Variants in HDDC2 observed in about 807,000 individuals in gnomAD.
The protein encoded by HDDC2 is 5'-deoxynucleotidase HDDC2.
HDDC2 carries 25 observed loss-of-function variants against 25.5 expected under a neutral mutation model. The ratio of observed to expected loss-of-function variants is 0.98; its 90% confidence interval spans 0.72 to 1.37. The LOEUF (loss-of-function observed/expected upper bound fraction) is 1.37. Ranked by LOEUF, HDDC2 falls within the 40% of genes most tolerant of loss-of-function variation. HDDC2 has a pLI of 0.00. For synonymous variants in HDDC2, 106 were observed against 89.7 expected (o/e 1.18, Z -1.03); for missense variants, 264 against 253.1 (o/e 1.04, Z -0.29).
chr6:125,300,380 A>T, intron 2 of HDDC2, 158 bp downstream of exon 2: 1 of 847,418 alleles, frequency 1.2e-6, no homozygotes, highest in Non-Finnish European at 1.7e-6. Context: ...AACTGAGGCA[A>T]CATAACCCAC....
intron 1 of HDDC2, among the ~76,000 whole-genome samples, chr6:125,301,058 T>C (rs1279102701): frequency 6.6e-6 from 1 of 152,162 alleles, no homozygotes; most frequent in Non-Finnish European, 1.5e-5. Flanking sequence ...GAACGAGTGA[T>C]AGGCTTCCAA....
intron 4 of HDDC2, among the ~76,000 whole-genome samples, chr6:125,288,244 G>A (rs1798572796): frequency 6.6e-6 from 1 of 152,118 alleles, no homozygotes; most frequent in African/African-American, 2.4e-5. Context: ...TTGAAGAGAG[G>A]GCTGAACAGC....
At chr6:125,300,869 A>T (rs1798789407) in intron 1 of HDDC2, among the ~76,000 whole-genome samples, 1 of 150,804 alleles carries the variant, frequency 6.6e-6, no homozygotes, top group East Asian at 1.9e-4. Flanking sequence ...TAGAAGACAG[A>T]GAGAGATAAG....
intron 4 of HDDC2, among the ~76,000 whole-genome samples, chr6:125,285,377 A>G (rs1327106727): frequency 6.6e-6 from 1 of 152,212 alleles, no homozygotes; most frequent in Non-Finnish European, 1.5e-5. Context: ...AATGTAAGAT[A>G]AAAGGTTGTT....
Position 125,298,726 on chromosome 6 carries a change from A to G in HDDC2, c.297T>C (p.His99=). Residue 99 remains histidine (H), a synonymous_variant, in exon 3 of 6, where the codon CAT becomes CAC. Coordinates refer to ENST00000398153, the MANE Select transcript of HDDC2 (RefSeq NM_016063.3). The part of the protein sequence containing the change: ...PADNIPKEEK[H]RREEEAMKQI... Reference sequence around the variant, plus strand: ...AGTCAACACTGACCTCTTCTCGCCTATGTTTTTCTTCTTTGGGGATGTTAT... The same window carrying G: ...AGTCAACACTGACCTCTTCTCGCCTGTGTTTTTCTTCTTTGGGGATGTTAT... 3.1e-6 allele frequency: 5 copies of G among 1,613,730 alleles called. No homozygotes were observed. Among genetic ancestry groups the G allele is most frequent in the Admixed American group, 1.7e-5 (1 of 60,028 alleles).
intron 3 of HDDC2, chr6:125,297,537 A>G (rs1798723113): frequency 2.5e-6 from 1 of 403,154 alleles, no homozygotes; most frequent in East Asian, 3.5e-5. Context: ...ACAGGTGTAC[A>G]GATCAAAATG....
chr6:125,301,736 C>G (rs1798811208), intron 1 of HDDC2, 113 bp downstream of exon 1: 1 of 716,976 alleles, frequency 1.4e-6, no homozygotes, highest in Non-Finnish European at 2.2e-6. Context: ...TTCGGCGTGG[C>G]GGACGCGGCG....
Position 125,301,859 on chromosome 6 carries a change from C to T in HDDC2, c.74G>A (p.Gly25Glu). Residue 25 changes from glycine to glutamate, a missense_variant, in exon 1 of 6, where the codon GGG becomes GAG. By Grantham distance (98) the Gly-to-Glu change is moderately conservative (BLOSUM62 -2). Transcript: ENST00000398153. ...RSLLQFLRLV[G>E]QLKRVPRTGW... Reference sequence around the variant, plus strand: ...CTGGTGCCCGCTCACCTTGAGCTGCCCTACCAGCCGCAGGAACTGCAGTAG... The same window carrying T: ...CTGGTGCCCGCTCACCTTGAGCTGCTCTACCAGCCGCAGGAACTGCAGTAG... The T allele has an allele frequency of 1.9e-6, 3 of 1,545,660 alleles. No homozygotes were observed. The highest frequency in any genetic ancestry group is 2.6e-6 in the Non-Finnish European group (3 of 1,147,242).
At chr6:125,289,861 T>C (rs929926136) in intron 4 of HDDC2, among the ~76,000 whole-genome samples, 2 of 152,242 alleles carry the variant, frequency 1.3e-5, no homozygotes, top group Non-Finnish European at 2.9e-5. Flanking sequence ...CCCTCACGCC[T>C]TGGGGCTCAA....
chr6:125,299,787 T>G (rs987001582), intron 2 of HDDC2, among the ~76,000 whole-genome samples: 1 of 152,212 alleles, frequency 6.6e-6, no homozygotes, highest in African/African-American at 2.4e-5. Context: ...TCAAGTTGAT[T>G]AATTTCTCAT....
chr6:125,283,583 A>C (rs1455416956), intron 4 of HDDC2, among the ~76,000 whole-genome samples: 1 of 152,216 alleles, frequency 6.6e-6, no homozygotes, highest in Non-Finnish European at 1.5e-5. Flanking sequence ...GAAAGAGAAT[A>C]AAATACCTAG....
At chr6:125,276,959 G>T in intron 5 of HDDC2, 143 bp downstream of exon 5, 1 of 781,922 alleles carries the variant, frequency 1.3e-6, no homozygotes, top group Non-Finnish European at 2.1e-6. Context: ...TTACCCGAAT[G>T]TTTCCTTCCC....
chr6:125,291,023 T>A (rs1041479821), intron 4 of HDDC2, among the ~76,000 whole-genome samples: 1 of 152,190 alleles, frequency 6.6e-6, no homozygotes, highest in Non-Finnish European at 1.5e-5. Flanking sequence ...GGCACAAAGG[T>A]ACAAACTATT....
Position 125,277,190 on chromosome 6 carries a change from G to C in HDDC2, c.429C>G (p.Asp143Glu). ...SAEAKFVKQL[D>E]QCEMILQASE... ...ATGCTTGAAGAATCATTTCACATTG[G>C]TCTAGCTGCTTCACAAATTTGGCTT... is the stretch of plus-strand genomic sequence containing the variant. Residue 143 changes from aspartate (D) to glutamate (E), a missense_variant, in exon 5 of 6, where the codon GAC (aspartate) becomes GAG (glutamate). Transcript: ENST00000398153. 1 of 1,613,988 alleles carries C rather than the reference G, an allele frequency of 6.2e-7. No homozygotes were observed. The highest frequency in any genetic ancestry group is 8.5e-7 in the Non-Finnish European group (1 of 1,179,922).
At position 125,276,030 on chromosome 6, in the gene HDDC2, T is replaced by C. The variant is rs1256018646; in HGVS notation, c.*116A>G. The stretch of plus-strand genomic sequence containing the variant: ...ACATTTCTTGCTGAAGTTCAGACAA[T>C]TGAAAACAAACAGACTCACATCTAG... On this transcript the variant is annotated 3_prime_UTR_variant, in exon 6 of 6. Transcript: ENST00000398153. 9.2e-6 allele frequency: 7 copies of C among 761,604 alleles called. No individual in the cohort carries two copies. Among genetic ancestry groups the C allele is most frequent in the South Asian group, 1.7e-5 (1 of 59,540 alleles). 47.2% of individuals were successfully genotyped at this position (761,604 alleles called of 1,614,324 possible).
chr6:125,286,748 C>T (rs1798542878), intron 4 of HDDC2, among the ~76,000 whole-genome samples: 1 of 152,162 alleles, frequency 6.6e-6, no homozygotes, highest in South Asian at 2.1e-4. Context: ...CAAGATGAAG[C>T]TGGAACGCCC....
intron 4 of HDDC2, among the ~76,000 whole-genome samples, chr6:125,281,899 C>T (rs1230889312): frequency 6.6e-6 from 1 of 152,126 alleles, no homozygotes; most frequent in Non-Finnish European, 1.5e-5. Flanking sequence ...ACATAATCAG[C>T]AGATTCACCA....
In HDDC2 at chr6:125,275,956, T is replaced by C. The variant is rs1798362523; in HGVS notation, c.*190A>G. On this transcript the variant is annotated 3_prime_UTR_variant, in exon 6 of 6. Transcript: ENST00000398153. ...CCTCCAGTGTTCATCCATGGCACTT[T>C]CATGACCGCTTCCTGTTCTGTGGCT... 1 of 581,958 alleles carries C rather than the reference T, an allele frequency of 1.7e-6. No individual in the cohort carries two copies. The highest frequency in any genetic ancestry group is 2.2e-5 in the South Asian group (1 of 45,692). The allele number at this position is 581,958 out of a possible 1,614,324, so 36.0% of individuals were successfully genotyped here.
intron 3 of HDDC2, 185 bp from the exon 4 acceptor site, chr6:125,293,094 A>G (rs1798655523): frequency 1.2e-5 from 8 of 681,458 alleles, no homozygotes; most frequent in South Asian, 7.6e-5. Flanking sequence ...CCTTAAATAA[A>G]TAAGTGTAAT....
Sources: allele counts gnomAD v4.1 joint callset (sites outside exome capture counted in the v4.1 genomes callset), GRCh38; gene constraint gnomAD v4.1.1; transcripts MANE v1.5; gene names NCBI Gene and HGNC (gene_info 2026-07-23, HGNC 2026-07-21).